Variants in SEM1 observed in about 807,000 individuals in gnomAD.
SEM1 encodes the protein SEM1 26S proteasome subunit.
Under a neutral mutation model 12.7 loss-of-function variants are expected in SEM1, and 3 were observed. The observed-to-expected ratio is 0.24, with a 90% CI of 0.11 to 0.61. The LOEUF (loss-of-function observed/expected upper bound fraction) is 0.61. Ranked by LOEUF, SEM1 falls within the 20% of genes least tolerant of loss-of-function variation. SEM1 has a pLI of 0.88. For synonymous variants in SEM1, 30 were observed against 27.8 expected (o/e 1.08, Z -0.25); for missense variants, 59 against 81.3 (o/e 0.73, Z 1.06).
At chr7:96,592,734 G>T (rs528094022) in intron 2 of SEM1, among the ~76,000 whole-genome samples, 3 of 151,944 alleles carry the variant, frequency 2.0e-5, no homozygotes, top group South Asian at 2.1e-4. Flanking sequence ...TCTTAACAGG[G>T]TTTCAAGCTC....
downstream of SEM1, among the ~76,000 whole-genome samples, chr7:96,619,997 T>C (rs1807839819): frequency 6.6e-6 from 1 of 152,072 alleles, no homozygotes; most frequent in Admixed American, 6.5e-5. Context: ...GTGGGGAGTG[T>C]GGTCCACTTG....
intron 2 of SEM1, among the ~76,000 whole-genome samples, chr7:96,644,942 G>T (rs1180323489): frequency 1.3e-5 from 2 of 152,050 alleles, no homozygotes; most frequent in Admixed American, 1.3e-4. Context: ...CAGATTCCAA[G>T]AGTTTTTATA....
intron 2 of SEM1, among the ~76,000 whole-genome samples, chr7:96,592,889 G>A (rs1220877548): frequency 2.0e-5 from 3 of 151,156 alleles, no homozygotes; most frequent in Admixed American, 6.6e-5. Flanking sequence ...AAGAAGGAAC[G>A]GAGAAAGTTT....
At chr7:96,651,775 G>T (rs1211235980) in intron 2 of SEM1, among the ~76,000 whole-genome samples, 2 of 152,152 alleles carry the variant, frequency 1.3e-5, no homozygotes, top group African/African-American at 2.4e-5. Flanking sequence ...GATTCACCAT[G>T]TTGGCCAGGC....
intron 2 of SEM1, among the ~76,000 whole-genome samples, chr7:96,564,567 C>A (rs1292495991): frequency 6.6e-6 from 1 of 151,906 alleles, no homozygotes. Flanking sequence ...TTGACCGTGC[C>A]GGCTAGAAAG....
At chr7:96,610,520 G>A (rs1807508754) in intron 2 of SEM1, among the ~76,000 whole-genome samples, 1 of 152,206 alleles carries the variant, frequency 6.6e-6, no homozygotes, top group Admixed American at 6.5e-5. Context: ...GCAAAGTCCT[G>A]CTGTGCTCAA....
intron 1 of SEM1, among the ~76,000 whole-genome samples, chr7:96,702,358 T>C (rs184575712): frequency 6.6e-6 from 1 of 152,304 alleles, no homozygotes; most frequent in East Asian, 1.9e-4. Context: ...AGACCCTGCA[T>C]TCTAAATACC....
At chr7:96,541,049 G>T (rs1007520569) in intron 2 of SEM1, among the ~76,000 whole-genome samples, 2 of 151,800 alleles carry the variant, frequency 1.3e-5, no homozygotes, top group African/African-American at 2.4e-5. Context: ...ATGAATATGT[G>T]AGTGCCTGGG....
At chr7:96,687,197 A>C (rs1789786213), downstream of SEM1, among the ~76,000 whole-genome samples, 1 of 152,198 alleles carries the variant, frequency 6.6e-6, no homozygotes, top group African/African-American at 2.4e-5. Flanking sequence ...GGGACGGTAA[A>C]CTAGTTCAAC....
chr7:96,703,080 T>C (rs10233126), intron 1 of SEM1, among the ~76,000 whole-genome samples: 30,455 of 152,166 alleles, frequency 0.2, 3,115 homozygotes, highest in South Asian at 0.25. Flanking sequence ...GGTTAGATCA[T>C]ACAGGTTGAG....
intron 2 of SEM1, among the ~76,000 whole-genome samples, chr7:96,508,195 G>T (rs1012456615): frequency 6.6e-6 from 1 of 152,038 alleles, no homozygotes; most frequent in African/African-American, 2.4e-5. Context: ...AATGAGAGCT[G>T]CTTAGAAATG....
chr7:96,522,891 CAAAAA>C (rs540895823), intron 2 of SEM1, among the ~76,000 whole-genome samples: 1 of 87,686 alleles, frequency 1.1e-5, no homozygotes, highest in African/African-American at 4.7e-5. Flanking sequence ...AACTCCATCT[CAAAAA>C]AAAAAAAAAA....
At chr7:96,588,385 C>CG (rs1391472909) in intron 2 of SEM1, among the ~76,000 whole-genome samples, 3,032 of 80,994 alleles carry the variant, frequency 0.037, 81 homozygotes, top group African/African-American at 0.095. Flanking sequence ...CACACACACA[C>CG]ACACACACAC....
intron 1 of SEM1, among the ~76,000 whole-genome samples, chr7:96,490,266 G>T (rs1045995163): frequency 1.3e-5 from 2 of 152,152 alleles, no homozygotes; most frequent in South Asian, 4.1e-4. Context: ...GTGTTTATCT[G>T]TATGACTATT....
intron 2 of SEM1, chr7:96,647,492 C>T (rs1181076484): frequency 1.3e-5 from 2 of 152,132 alleles, no homozygotes; most frequent in Non-Finnish European, 2.9e-5. Flanking sequence ...ATCCGGTATC[C>T]TAAATATCTC....
At chr7:96,583,701 G>T (rs1806500396) in intron 2 of SEM1, among the ~76,000 whole-genome samples, 1 of 150,634 alleles carries the variant, frequency 6.6e-6, no homozygotes, top group African/African-American at 2.4e-5. Context: ...TCTTCTTGTT[G>T]AATTGATCCC....
intron 2 of SEM1, chr7:96,486,155 T>G (rs749216423): frequency 2.8e-6 from 4 of 1,427,708 alleles, no homozygotes; most frequent in African/African-American, 1.4e-5. Context: ...AGAGTTAATT[T>G]TTTTTCTACC....
intron 2 of SEM1, among the ~76,000 whole-genome samples, chr7:96,540,761 C>T (rs1328208368): frequency 2.0e-5 from 3 of 151,694 alleles, no homozygotes; most frequent in East Asian, 1.9e-4. Context: ...CAGTAGTTTC[C>T]AGTGTCTATT....
intron 2 of SEM1, among the ~76,000 whole-genome samples, chr7:96,544,608 A>G (rs1805051872): frequency 1.3e-5 from 2 of 152,148 alleles, no homozygotes; most frequent in African/African-American, 4.8e-5. Flanking sequence ...GTACTGACCT[A>G]CCTTGCAGTT....
Sources: allele counts gnomAD v4.1 joint callset (sites outside exome capture counted in the v4.1 genomes callset), GRCh38; gene constraint gnomAD v4.1.1; transcripts MANE v1.5; gene names NCBI Gene and HGNC (gene_info 2026-07-23, HGNC 2026-07-21).